The following GALNT13 variants were observed in gnomAD, a reference collection of about 807,000 sequenced individuals.
The protein encoded by GALNT13 is polypeptide N-acetylgalactosaminyltransferase 13.
A neutral mutation model predicts 64.2 loss-of-function variants in GALNT13; 28 were observed. That is an observed-to-expected ratio of 0.44 (90% CI 0.32 to 0.60). The LOEUF is 0.60. Ranked by LOEUF, GALNT13 falls within the 20% of genes least tolerant of loss-of-function variation. The pLI is 0.05. For missense variants in GALNT13, 577 were observed against 669.8 expected, an observed-to-expected ratio of 0.86 and a Z score of 1.53; for synonymous variants, 214 against 224.6, an observed-to-expected ratio of 0.95 and a Z score of 0.42.
chr2:153,702,556 T>C, the GALNT13 span, among the ~76,000 whole-genome samples: 2 of 152,094 alleles, frequency 1.3e-5, no homozygotes, highest in African/African-American at 4.8e-5. Context: ...AGCTTCTGTA[T>C]ATAGTTTGAA....
the GALNT13 span, among the ~76,000 whole-genome samples, chr2:153,728,515 A>T: frequency 6.6e-6 from 1 of 152,206 alleles, no homozygotes; most frequent in Admixed American, 6.5e-5. Flanking sequence ...GGAAATTTGT[A>T]GCGCTAAATG....
chr2:153,268,145 G>A, the GALNT13 span, among the ~76,000 whole-genome samples: 1 of 152,286 alleles, frequency 6.6e-6, no homozygotes, highest in Non-Finnish European at 1.5e-5. Context: ...AGTGTCATCT[G>A]AGACAAAGCA....
chr2:153,898,660 T>A (rs1044235649), intron 1 of GALNT13, among the ~76,000 whole-genome samples: 1 of 151,924 alleles, frequency 6.6e-6, no homozygotes, highest in Non-Finnish European at 1.5e-5. Flanking sequence ...ATGAAAATTA[T>A]CAAATATATA....
At chr2:154,443,574 C>T (rs1701413434) in intron 12 of GALNT13, among the ~76,000 whole-genome samples, 1 of 151,886 alleles carries the variant, frequency 6.6e-6, no homozygotes, top group South Asian at 2.1e-4. Flanking sequence ...GCTCTTAAAT[C>T]AACTATGCAG....
At chr2:153,907,649 TGTG>T (rs1429954286) in intron 2 of GALNT13, among the ~76,000 whole-genome samples, 1 of 152,032 alleles carries the variant, frequency 6.6e-6, no homozygotes, top group Non-Finnish European at 1.5e-5. Flanking sequence ...AATGAGAACA[TGTG>T]GTATTTGTTT....
chr2:153,073,799 G>A, the GALNT13 span, among the ~76,000 whole-genome samples: 2 of 152,140 alleles, frequency 1.3e-5, no homozygotes, highest in African/African-American at 2.4e-5. Context: ...AATAAGATCT[G>A]TGCAGTGTAA....
intron 12 of GALNT13, chr2:154,446,817 GT>G: frequency 7.0e-7 from 1 of 1,426,170 alleles, no homozygotes; most frequent in African/African-American, 1.4e-5. Context: ...GTTATGTTCA[GT>G]TATTGAAATC....
chr2:153,790,782 T>C, the GALNT13 span, among the ~76,000 whole-genome samples: 1 of 152,084 alleles, frequency 6.6e-6, no homozygotes, highest in African/African-American at 2.4e-5. Context: ...CATGCAAAAA[T>C]CACTGGCATT....
the GALNT13 span, among the ~76,000 whole-genome samples, chr2:153,167,240 C>A: frequency 6.6e-6 from 1 of 152,166 alleles, no homozygotes; most frequent in Non-Finnish European, 1.5e-5. Flanking sequence ...GTATCCATCC[C>A]AACAGAAGGG....
intron 3 of GALNT13, among the ~76,000 whole-genome samples, chr2:154,116,031 A>G (rs1382187040): frequency 6.6e-6 from 1 of 152,202 alleles, no homozygotes; most frequent in Non-Finnish European, 1.5e-5. Flanking sequence ...TGGCTTGTGA[A>G]GATAATCAAC....
intron 4 of GALNT13, among the ~76,000 whole-genome samples, chr2:154,225,291 C>A (rs1215054245): frequency 6.6e-6 from 1 of 152,012 alleles, no homozygotes; most frequent in East Asian, 1.9e-4. Context: ...TAAAACTGTA[C>A]TGAGATACGT....
rs772451802 is a variant in GALNT13, at chr2:153,929,723, C to T, written c.-104-14671C>T. On this transcript the variant is annotated intron_variant, in intron 2 of 12. Transcript: ENST00000392825. ...ATAGTATTCCATGGTGTGTATTTAG[C>T]ACATTTTCTTTATTTAGTCTACCAG... is the stretch of plus-strand genomic sequence containing the variant. Among the ~76,000 whole-genome samples, 5 of 152,218 alleles carry T rather than the reference C, an allele frequency of 3.3e-5. No homozygotes were observed. In the South Asian group the frequency reaches 8.3e-4, roughly 25 times the overall value.
At chr2:154,159,278 G>A (rs1684599448) in intron 4 of GALNT13, among the ~76,000 whole-genome samples, 1 of 152,074 alleles carries the variant, frequency 6.6e-6, no homozygotes, top group South Asian at 2.1e-4. Context: ...GGGATTACAG[G>A]CACATGCCAC....
intron 3 of GALNT13, among the ~76,000 whole-genome samples, chr2:154,095,474 C>A (rs2105449312): frequency 6.6e-6 from 1 of 151,984 alleles, no homozygotes; most frequent in East Asian, 1.9e-4. Flanking sequence ...ATCTATGGAA[C>A]AAAGAAAGGT....
intron 8 of GALNT13, among the ~76,000 whole-genome samples, chr2:154,298,674 G>GTATATATAATTTA (rs1559075903): frequency 1.3e-5 from 1 of 77,390 alleles, no homozygotes; most frequent in Non-Finnish European, 2.5e-5. Flanking sequence ...TATATACATT[G>GTATATATAATTTA]TATATACAAT....
chr2:154,215,338 T>C (rs1687985393), intron 4 of GALNT13, among the ~76,000 whole-genome samples: 1 of 143,634 alleles, frequency 7.0e-6, no homozygotes, highest in Non-Finnish European at 1.5e-5. Context: ...ATTTCTAACA[T>C]AGAAACCTGG....
chr2:154,137,844 C>G (rs1266402578), intron 3 of GALNT13, among the ~76,000 whole-genome samples: 1 of 151,924 alleles, frequency 6.6e-6, no homozygotes, highest in Non-Finnish European at 1.5e-5. Context: ...CCCAAATATG[C>G]CACTTTGTCA....
the GALNT13 span, among the ~76,000 whole-genome samples, chr2:153,683,296 A>C: frequency 6.6e-6 from 1 of 151,764 alleles, no homozygotes; most frequent in Non-Finnish European, 1.5e-5. Flanking sequence ...AATACAGGCA[A>C]AGTGCTAGAC....
intron 8 of GALNT13, among the ~76,000 whole-genome samples, chr2:154,259,477 A>C (rs769969386): frequency 6.6e-6 from 1 of 152,182 alleles, no homozygotes; most frequent in Non-Finnish European, 1.5e-5. Context: ...GAAACTTGGA[A>C]GTATTTATGT....
Sources: gnomAD v4.1 joint callset for allele counts (sites outside exome capture counted in the v4.1 genomes callset) on GRCh38, gnomAD v4.1.1 for gene constraint, MANE v1.5 for transcripts, NCBI Gene and HGNC (gene_info 2026-07-23, HGNC 2026-07-21) for gene names.